RPTOR: variants seen among roughly 807,000 people sequenced by gnomAD.
RPTOR encodes regulatory-associated protein of mTOR.
In RPTOR, 21 loss-of-function variants were observed where a neutral mutation model predicts 169.9. That is an observed-to-expected ratio of 0.12 (90% CI 0.09 to 0.18). The LOEUF is 0.18. Among genes scored for constraint, RPTOR ranks in the 10% least tolerant of loss-of-function variants. The pLI is 1.00. For synonymous variants in RPTOR, 732 were observed against 753.2 expected (o/e 0.97, Z 0.46); for missense variants, 1,133 against 1,855.9 (o/e 0.61, Z 7.16).
chr17:80,961,660 A>G (rs1163666374), intron 31 of RPTOR, 180 bp downstream of exon 31: 10 of 691,028 alleles, frequency 1.4e-5, no homozygotes, highest in Admixed American at 3.2e-5. Context: ...CAGGGGCCAC[A>G]GCTGCTCCCC....
At position 80,902,624 on chromosome 17, in the gene RPTOR, G is replaced by T. The variant is rs146147552; in HGVS notation, c.2402-6187G>T. On this transcript the variant is annotated intron_variant, in intron 20 of 33. Transcript: ENST00000306801. ...CTCTGCACTTATCTGTGTTCCTGAC[G>T]GCCACAAGTGGCCGTGGAGCTGCTC... Among the ~76,000 whole-genome samples, 532 of 152,322 alleles carry T rather than the reference G, an allele frequency of 3.5e-3. 2 individuals are homozygous for T. The highest frequency in any genetic ancestry group is 0.012 in the African/African-American group (517 of 41,560).
intron 19 of RPTOR, among the ~76,000 whole-genome samples, chr17:80,893,414 AAGGGTGTGTGTGTGCC>A (rs1423112508): frequency 9.3e-6 from 1 of 107,202 alleles, no homozygotes; most frequent in Non-Finnish European, 1.8e-5. Flanking sequence ...GTGTGTGTAC[AAGGGTGTGTGTGTGCC>A]AGGGTGTGTG....
chr17:80,650,568 C>G (rs548948959), intron 3 of RPTOR, among the ~76,000 whole-genome samples: 1 of 152,210 alleles, frequency 6.6e-6, no homozygotes, highest in East Asian at 1.9e-4. Context: ...CTGGCTTTGC[C>G]ACTTCTTAGA....
At chr17:80,705,841 C>A (rs972686102) in intron 3 of RPTOR, among the ~76,000 whole-genome samples, 1 of 152,082 alleles carries the variant, frequency 6.6e-6, no homozygotes, top group African/African-American at 2.4e-5. Context: ...GGCAGGGGAA[C>A]CTTTCTTAAG....
At chr17:80,919,062 G>A (rs913500541) in intron 21 of RPTOR, among the ~76,000 whole-genome samples, 6 of 152,308 alleles carry the variant, frequency 3.9e-5, no homozygotes, top group African/African-American at 1.4e-4. Flanking sequence ...TTCTCTTCCC[G>A]CAGCGCCTAG....
At chr17:80,817,703 C>A (rs1259549473) in intron 7 of RPTOR, among the ~76,000 whole-genome samples, 1 of 152,120 alleles carries the variant, frequency 6.6e-6, no homozygotes, top group Non-Finnish European at 1.5e-5. Context: ...CCTCAGGCAT[C>A]TGGTGGAGAA....
intron 5 of RPTOR, among the ~76,000 whole-genome samples, chr17:80,743,899 T>C (rs375245113): frequency 0.019 from 636 of 33,356 alleles, 63 homozygotes; most frequent in African/African-American, 0.045. Context: ...ACTGTCCTGG[T>C]TACGAGCACA....
Position 80,695,417 on chromosome 17 carries a change from C to T in RPTOR, c.349-12424C>T, listed in dbSNP as rs909171443. On this transcript the variant is annotated intron_variant, in intron 3 of 33. Transcript: ENST00000306801. The surrounding 1 kb of genome is among the most constrained non-coding windows in gnomAD (Gnocchi z 4.9). ...GATTTGGGGCTGAGACTTAAGTTTC[C>T]CATCTCTGGGCGGGACCTGTGCTCT... Among the ~76,000 whole-genome samples the T allele has an allele frequency of 2.6e-5, 4 of 152,188 alleles. No homozygotes were observed. The highest frequency in any genetic ancestry group is 5.9e-5 in the Non-Finnish European group (4 of 68,030).
intron 3 of RPTOR, among the ~76,000 whole-genome samples, chr17:80,673,270 T>G (rs1294130489): frequency 6.6e-6 from 1 of 152,146 alleles, no homozygotes; most frequent in Non-Finnish European, 1.5e-5. Context: ...AAAGATTTTT[T>G]AAAGATTAGG....
intron 3 of RPTOR, among the ~76,000 whole-genome samples, chr17:80,704,532 C>A (rs1042914561): frequency 6.6e-6 from 1 of 152,202 alleles, no homozygotes; most frequent in Admixed American, 6.5e-5. Context: ...GTACCCAGCA[C>A]CTGGATGCAG....
At chr17:80,756,490 A>C (rs1164750903) in intron 6 of RPTOR, among the ~76,000 whole-genome samples, 1 of 152,248 alleles carries the variant, frequency 6.6e-6, no homozygotes, top group Non-Finnish European at 1.5e-5. Context: ...TGGAGAGAAG[A>C]ATTGTAATGG....
intron 5 of RPTOR, among the ~76,000 whole-genome samples, chr17:80,740,560 A>G (rs867514284): frequency 2.0e-5 from 3 of 152,374 alleles, no homozygotes; most frequent in Middle Eastern, 6.8e-3. Context: ...AATTTATAAA[A>G]GGAATTATAC....
In RPTOR at chr17:80,746,036, C is replaced by T. The variant is rs1277971890; in HGVS notation, c.655-7974C>T. ...AATTATCCAGACGTGGTGGCGCATACCTGTAATCCCAGCTACTTGAGAGGC... is the reference window on the plus strand; with the variant it reads ...AATTATCCAGACGTGGTGGCGCATATCTGTAATCCCAGCTACTTGAGAGGC... On this transcript the variant is annotated intron_variant, in intron 5 of 33. Transcript: ENST00000306801. This position sits in a 1 kb window ranked among gnomAD's most constrained non-coding sequence, Gnocchi z 4.5. Among the ~76,000 whole-genome samples, 1 of 152,154 alleles carries T rather than the reference C, an allele frequency of 6.6e-6. No homozygotes were observed. Among genetic ancestry groups the T allele is most frequent in the Non-Finnish European group, 1.5e-5 (1 of 68,026 alleles).
chr17:80,690,227 C>T (rs903722126), intron 3 of RPTOR, among the ~76,000 whole-genome samples: 7 of 152,060 alleles, frequency 4.6e-5, no homozygotes, highest in African/African-American at 7.2e-5. Flanking sequence ...TTCCCACTCC[C>T]CTGGCTGATT....
rs187467371 is a variant in RPTOR at position 80,598,460 on chromosome 17, C to T, written c.163-27231C>T. Reference sequence around the variant, plus strand: ...GTTGTACTGTTTTTGATATTGTATTCTAAGATGGTCATTGCTTCTTATTAG... The same window carrying T: ...GTTGTACTGTTTTTGATATTGTATTTTAAGATGGTCATTGCTTCTTATTAG... On this transcript the variant is annotated intron_variant, in intron 1 of 33. Transcript: ENST00000306801. Among the ~76,000 whole-genome samples, 3 of 152,244 alleles carry T rather than the reference C, an allele frequency of 2.0e-5. No individual in the cohort carries two copies. In the East Asian group the frequency reaches 5.8e-4, roughly 29 times the overall value.
intron 1 of RPTOR, among the ~76,000 whole-genome samples, chr17:80,554,599 CCGGGCGAGGTGA>C (rs1213025296): frequency 6.6e-6 from 1 of 151,980 alleles, no homozygotes; most frequent in African/African-American, 2.4e-5. Flanking sequence ...CAAAAATTAG[CCGGGCGAGGTGA>C]CGGGCGCCTG....
intron 7 of RPTOR, among the ~76,000 whole-genome samples, chr17:80,795,708 C>G (rs1412570028): frequency 6.6e-6 from 1 of 152,096 alleles, no homozygotes; most frequent in East Asian, 1.9e-4. Flanking sequence ...TCCATCTGGC[C>G]CTCCTGACCC....
intron 3 of RPTOR, among the ~76,000 whole-genome samples, chr17:80,674,801 A>G: frequency 1.5e-5 from 1 of 66,838 alleles, no homozygotes; most frequent in Non-Finnish European, 3.1e-5. Context: ...AAAAAAAAAA[A>G]AAAAAAAAAA....
intron 21 of RPTOR, among the ~76,000 whole-genome samples, chr17:80,911,375 T>C (rs1228378439): frequency 1.3e-5 from 2 of 152,238 alleles, no homozygotes; most frequent in Non-Finnish European, 2.9e-5. Context: ...TTTTATGTGC[T>C]ACTGGCCTGT....
Sources: allele counts gnomAD v4.1 joint callset (sites outside exome capture counted in the v4.1 genomes callset), GRCh38; gene constraint gnomAD v4.1.1; non-coding constraint Gnocchi (gnomAD v3.1); transcripts MANE v1.5; gene names NCBI Gene and HGNC (gene_info 2026-07-23, HGNC 2026-07-21).